The following MAD2L1 variants were observed in gnomAD, a reference collection of about 807,000 sequenced individuals.
MAD2L1 encodes mitotic arrest deficient 2 like 1, also known as mitotic spindle assembly checkpoint protein MAD2A.
Under a neutral mutation model 25.9 loss-of-function variants are expected in MAD2L1, and 10 were observed. The observed-to-expected ratio is 0.39, with a 90% CI of 0.24 to 0.66. MAD2L1 has a LOEUF of 0.66. Among genes scored for constraint, MAD2L1 ranks in the 30% least tolerant of loss-of-function variants. The pLI is 0.49. For synonymous variants in MAD2L1, 81 were observed against 91.8 expected, an observed-to-expected ratio of 0.88 and a Z score of 0.67; for missense variants, 180 against 246.4, an observed-to-expected ratio of 0.73 and a Z score of 1.80.
At position 120,058,826 on chromosome 4, in the gene MAD2L1, C is replaced by A. The variant is rs191056310; in HGVS notation, c.*1292G>T. On this transcript the variant is annotated 3_prime_UTR_variant, in exon 5 of 5. Coordinates refer to ENST00000296509, the MANE Select transcript of MAD2L1 (RefSeq NM_002358.4). ...CTGCCACTGATCCACAGTATTTGCTCAATATGTAATTTCTGAATGAACAGA... is the reference window on the plus strand; with the variant it reads ...CTGCCACTGATCCACAGTATTTGCTAAATATGTAATTTCTGAATGAACAGA... 1.3e-5 allele frequency: 2 copies of A among 152,230 alleles called. No individual in the cohort carries two copies. Among genetic ancestry groups the A allele is most frequent in the Admixed American group, 1.3e-4 (2 of 15,300 alleles). The allele number at this position is 152,230 out of a possible 1,614,324, so 9.4% of individuals were successfully genotyped here.
In MAD2L1 at chr4:120,060,317, T is replaced by C. The variant is rs1479585485; in HGVS notation, c.446-27A>G. ...TAAATTGGGGATAAGATCATTGAAG[T>C]ATATTATTTTCTAAAAGTAAAACTA... On this transcript the variant is annotated intron_variant, in intron 4 of 4. Transcript: ENST00000296509. The C allele has an allele frequency of 3.9e-6, 6 of 1,532,650 alleles. No individual in the cohort carries two copies. In the Admixed American group the frequency reaches 7.2e-5, roughly 18 times the overall value. 94.9% of individuals were successfully genotyped at this position (1,532,650 alleles called of 1,614,324 possible).
rs1193292910 is a variant in MAD2L1 at position 120,057,624 on chromosome 4, A to G, written c.*2494T>C. 2 of 152,442 alleles carry G rather than the reference A, an allele frequency of 1.3e-5. No homozygotes were observed. The highest frequency in any genetic ancestry group is 1.9e-4 in the East Asian group (1 of 5,184). 9.4% of individuals were successfully genotyped at this position (152,442 alleles called of 1,614,324 possible). ...GGTAAGCAACACTGAGCCAGAGTCC[A>G]GGCCAGGCCTAGAGGCCTATCATGC... On this transcript the variant is annotated 3_prime_UTR_variant, in exon 5 of 5. Coordinates refer to ENST00000296509, the MANE Select transcript of MAD2L1 (RefSeq NM_002358.4).
rs1465393776 is a variant in MAD2L1 at position 120,058,879 on chromosome 4, T to C, written c.*1239A>G. 2.6e-5 allele frequency: 4 copies of C among 152,182 alleles called. No homozygotes were observed. The highest frequency in any genetic ancestry group is 6.5e-5 in the Admixed American group (1 of 15,282). 9.4% of individuals were successfully genotyped at this position (152,182 alleles called of 1,614,324 possible). ...CAGACTATGTGCAATTACTTAAAAA[T>C]AGTGAAGGTTAAATAAGTTAATACA... On this transcript the variant is annotated 3_prime_UTR_variant, in exon 5 of 5. Coordinates refer to ENST00000296509, the MANE Select transcript of MAD2L1 (RefSeq NM_002358.4).
In MAD2L1 at chr4:120,062,042, C is replaced by A. The variant is rs1277251119; in HGVS notation, c.274G>T (p.Glu92Ter). 1 of 1,612,912 alleles carries A rather than the reference C, an allele frequency of 6.2e-7. No homozygotes were observed. The highest frequency in any genetic ancestry group is 1.3e-5 in the African/African-American group (1 of 74,890). Reference protein sequence around the residue: ...QKLVVVISNIESGEVLERWQF... With the variant: ...QKLVVVISNI ...CATCTTTCCAGGACCTCACCACTTTCAATATTTGAGATAACTACAACCAGT... is the reference window on the plus strand; with the variant it reads ...CATCTTTCCAGGACCTCACCACTTTAAATATTTGAGATAACTACAACCAGT... The change falls in exon 3 of 5, where the codon GAA becomes TAA. Residue 92 changes from glutamate to a stop codon, truncating the protein, a stop_gained. Transcript: ENST00000296509. LOFTEE classifies it high-confidence loss of function.
At position 120,066,817 on chromosome 4, in the gene MAD2L1, G is replaced by T. The variant is rs887758098; in HGVS notation, c.-83C>A. Reference sequence around the variant, plus strand: ...CTCCAACAGCACTTCCCCGCCAAGCGTTTCAAAAGTAACGACGCAGCACGT... The same window carrying T: ...CTCCAACAGCACTTCCCCGCCAAGCTTTTCAAAAGTAACGACGCAGCACGT... On this transcript the variant is annotated 5_prime_UTR_variant, in exon 1 of 5. Coordinates refer to ENST00000296509, the MANE Select transcript of MAD2L1 (RefSeq NM_002358.4). 1.2e-5 allele frequency: 12 copies of T among 1,029,836 alleles called. No homozygotes were observed. The highest frequency in any genetic ancestry group is 1.6e-5 in the Non-Finnish European group (11 of 675,864). The allele number at this position is 1,029,836 out of a possible 1,614,324, so 63.8% of individuals were successfully genotyped here. A position where few individuals can be genotyped will look rare whatever the true frequency, so the allele number is the denominator to read the frequency against.
Position 120,059,902 on chromosome 4 carries a change from A to C in MAD2L1, c.*216T>G. On this transcript the variant is annotated 3_prime_UTR_variant, in exon 5 of 5. Transcript: ENST00000296509. ...CAAAAAAACCTCCTGGTTCCTTTTGAACAATGTGCAATAAATTCATGATGT... is the reference window on the plus strand; with the variant it reads ...CAAAAAAACCTCCTGGTTCCTTTTGCACAATGTGCAATAAATTCATGATGT... 1 of 397,884 alleles carries C rather than the reference A, an allele frequency of 2.5e-6. No individual in the cohort carries two copies. The highest frequency in any genetic ancestry group is 4.5e-6 in the Non-Finnish European group (1 of 222,702). 24.6% of individuals were successfully genotyped at this position (397,884 alleles called of 1,614,324 possible). A position where few individuals can be genotyped will look rare whatever the true frequency, so the allele number is the denominator to read the frequency against.
At chr4:120,066,594 G>A in intron 1 of MAD2L1, 68 bp downstream of exon 1, 1 of 1,407,860 alleles carries the variant, frequency 7.1e-7, no homozygotes, top group Non-Finnish European at 9.9e-7. Context: ...ATCAGAGGCC[G>A]AGCTGTGGGC....
intron 2 of MAD2L1, among the ~76,000 whole-genome samples, chr4:120,065,155 A>C (rs1165150026): frequency 6.6e-6 from 1 of 152,216 alleles, no homozygotes; most frequent in African/African-American, 2.4e-5. Flanking sequence ...AAATAGAAAT[A>C]CGTGAAAAAC....
chr4:120,060,197 T>C lies in MAD2L1; in HGVS notation c.539A>G (p.Glu180Gly). 1 of 1,612,784 alleles carries C rather than the reference T, an allele frequency of 6.2e-7. No individual in the cohort carries two copies. Among genetic ancestry groups the C allele is most frequent in the South Asian group, 1.1e-5 (1 of 90,978 alleles). ...SGPQFITNSE[E>G]VRLRSFTTTI... is the part of the protein sequence containing the mutation. ...AGTAGTAAATGAACGAAGGCGGACT[T>C]CCTCAGAATTGGTAATAAACTGTGG... is the stretch of plus-strand genomic sequence containing the variant. The change falls in exon 5 of 5, where the codon GAA (glutamate) becomes GGA (glycine). Residue 180 changes from glutamate to glycine, a missense_variant. By Grantham distance (98) the Glu-to-Gly change is moderately conservative. Coordinates refer to ENST00000296509, the MANE Select transcript of MAD2L1 (RefSeq NM_002358.4).
Position 120,056,719 on chromosome 4 carries a change from G to A in MAD2L1, c.*3399C>T, listed in dbSNP as rs781683216. ...ATAGGCATGGGCTCTTTATCCTATTGTGAGTCTCATAAAAAGGGTCTCTTT... is the reference window on the plus strand; with the variant it reads ...ATAGGCATGGGCTCTTTATCCTATTATGAGTCTCATAAAAAGGGTCTCTTT... On this transcript the variant is annotated 3_prime_UTR_variant, in exon 5 of 5. Coordinates refer to ENST00000296509, the MANE Select transcript of MAD2L1 (RefSeq NM_002358.4). 6.6e-6 allele frequency: 1 copy of A among 152,080 alleles called. No homozygotes were observed. The highest frequency in any genetic ancestry group is 1.5e-5 in the Non-Finnish European group (1 of 68,016). The allele number at this position is 152,080 out of a possible 1,614,324, so 9.4% of individuals were successfully genotyped here. A position where few individuals can be genotyped will look rare whatever the true frequency, so the allele number is the denominator to read the frequency against.
At position 120,065,745 on chromosome 4, in the gene MAD2L1, G is replaced by A. The variant is rs199627005; in HGVS notation, c.147C>T (p.Tyr49=). 4.0e-5 allele frequency: 65 copies of A among 1,613,560 alleles called. No homozygotes were observed. Among genetic ancestry groups the A allele is most frequent in the Non-Finnish European group, 5.4e-5 (64 of 1,179,612 alleles). ...PSETFTRVQK[Y]GLTLLVTTDL... is the part of the protein sequence containing the mutation. ...CAGTAGTTACAAGCAAGGTGAGTCC[G>A]TATTTCTGCACTCGAGTAAAGGTTT... Residue 49 remains tyrosine (Y), a synonymous_variant, in exon 2 of 5, where the codon TAC becomes TAT. Transcript: ENST00000296509.
intron 1 of MAD2L1, among the ~76,000 whole-genome samples, chr4:120,066,060 C>T (rs980707514): frequency 2.0e-5 from 3 of 151,284 alleles, no homozygotes; most frequent in Non-Finnish European, 4.4e-5. Context: ...AGTGTATCAA[C>T]TTATTATTGC....
Position 120,059,553 on chromosome 4 carries a change from T to G in MAD2L1, c.*565A>C, listed in dbSNP as rs887950116. ...AACATTAAACAGTACAAATATCCATTGCTTCATAGGTTCAAGTTACATAAA... is the reference window on the plus strand; with the variant it reads ...AACATTAAACAGTACAAATATCCATGGCTTCATAGGTTCAAGTTACATAAA... On this transcript the variant is annotated 3_prime_UTR_variant, in exon 5 of 5. Coordinates refer to ENST00000296509, the MANE Select transcript of MAD2L1 (RefSeq NM_002358.4). The G allele has an allele frequency of 6.6e-6, 1 of 152,170 alleles. No individual in the cohort carries two copies. The highest frequency in any genetic ancestry group is 1.5e-5 in the Non-Finnish European group (1 of 68,014). The allele number at this position is 152,170 out of a possible 1,614,324, so 9.4% of individuals were successfully genotyped here.
chr4:120,064,398 T>C, intron 2 of MAD2L1, among the ~76,000 whole-genome samples: 1 of 152,178 alleles, frequency 6.6e-6, no homozygotes, highest in East Asian at 1.9e-4. Context: ...ACCAATCTAC[T>C]ATAGCAGAAG....
chr4:120,058,081 A>G lies in MAD2L1; in HGVS notation c.*2037T>C, dbSNP rs1348185177. 1 of 150,752 alleles carries G rather than the reference A, an allele frequency of 6.6e-6. No individual in the cohort carries two copies. Among genetic ancestry groups the G allele is most frequent in the Non-Finnish European group, 1.5e-5 (1 of 67,674 alleles). The allele number at this position is 150,752 out of a possible 1,614,324, so 9.3% of individuals were successfully genotyped here. On this transcript the variant is annotated 3_prime_UTR_variant, in exon 5 of 5. Transcript: ENST00000296509. ...ACCATCTTGGCCAGGCTGGTCTCAAACTCCTGATCTCGTGATCCACCTGCC... is the reference window on the plus strand; with the variant it reads ...ACCATCTTGGCCAGGCTGGTCTCAAGCTCCTGATCTCGTGATCCACCTGCC...
At chr4:120,062,168 C>G in intron 2 of MAD2L1, 73 bp from the exon 3 acceptor site, 1 of 1,401,060 alleles carries the variant, frequency 7.1e-7, no homozygotes, top group Non-Finnish European at 9.7e-7. Flanking sequence ...TCGGGTCCCA[C>G]TCCCTATCCT....
chr4:120,059,021 GA>G lies in MAD2L1; in HGVS notation c.*1096del, dbSNP rs765994947. ...ACAAATCTGCCTTAAACTGACCTTGGAAAAACAGGTGAGAACTGGATAGAAA... is the reference window on the plus strand; with the variant it reads ...ACAAATCTGCCTTAAACTGACCTTGGAAAACAGGTGAGAACTGGATAGAAA... On this transcript the variant is annotated 3_prime_UTR_variant, in exon 5 of 5. Transcript: ENST00000296509. 2.0e-5 allele frequency: 3 copies of G among 152,120 alleles called. No individual in the cohort carries two copies. Among genetic ancestry groups the G allele is most frequent in the Non-Finnish European group, 4.4e-5 (3 of 68,018 alleles). 9.4% of individuals were successfully genotyped at this position (152,120 alleles called of 1,614,324 possible).
chr4:120,065,038 A>G (rs2110509471), intron 2 of MAD2L1, among the ~76,000 whole-genome samples: 1 of 152,362 alleles, frequency 6.6e-6, no homozygotes, highest in African/African-American at 2.4e-5. Context: ...TCGATGAAGA[A>G]CAAGTATTCA....
intron 2 of MAD2L1, among the ~76,000 whole-genome samples, chr4:120,064,591 T>C (rs571345719): frequency 3.9e-5 from 6 of 152,118 alleles, no homozygotes; most frequent in Admixed American, 1.3e-4. Context: ...AAAGCACCCA[T>C]ACCAAAGAAA....
Sources: allele counts gnomAD v4.1 joint callset (sites outside exome capture counted in the v4.1 genomes callset), GRCh38; gene constraint gnomAD v4.1.1; transcripts MANE v1.5; gene names NCBI Gene and HGNC (gene_info 2026-07-23, HGNC 2026-07-21).